Variants in ROBO2 observed in about 807,000 individuals in gnomAD.
ROBO2 encodes roundabout homolog 2.
ROBO2 carries 53 observed loss-of-function variants against 160.8 expected under a neutral mutation model. The ratio of observed to expected loss-of-function variants is 0.33; its 90% CI spans 0.26 to 0.41. The LOEUF (loss-of-function observed/expected upper bound fraction) is 0.41, where lower values mean the gene tolerates loss of function less well. ROBO2 is among the 10% of genes least tolerant of loss of function. ROBO2 has a pLI of 1.00. For missense variants in ROBO2, 1,577 were observed against 1,722.4 expected (o/e 0.92, Z 1.49); for synonymous variants, 664 against 611.7 (o/e 1.09, Z -1.26).
intron 2 of ROBO2, among the ~76,000 whole-genome samples, chr3:77,112,419 T>C (rs2073741515): frequency 6.6e-6 from 1 of 151,868 alleles, no homozygotes; most frequent in African/African-American, 2.4e-5. Context: ...AATTTTTGTA[T>C]TTTTAGTGGA....
intron 2 of ROBO2, among the ~76,000 whole-genome samples, chr3:77,160,351 A>G (rs1490610657): frequency 6.6e-6 from 1 of 152,120 alleles, no homozygotes; most frequent in Non-Finnish European, 1.5e-5. Context: ...TATTTTATAA[A>G]GTTTTTTTGG....
chr3:77,051,310 A>C (rs1193825770), intron 1 of ROBO2, among the ~76,000 whole-genome samples: 2 of 152,186 alleles, frequency 1.3e-5, no homozygotes, highest in African/African-American at 4.8e-5. Context: ...GATTTTGGGC[A>C]AATATAGCTC....
At chr3:76,217,842 T>G (rs1420203022) in intron 2 of ROBO2, among the ~76,000 whole-genome samples, 2 of 152,142 alleles carry the variant, frequency 1.3e-5, no homozygotes, top group Non-Finnish European at 2.9e-5. Flanking sequence ...TGCCAAAGCC[T>G]GACAGAGACA....
At chr3:76,681,663 C>T (rs544434993) in intron 2 of ROBO2, among the ~76,000 whole-genome samples, 2 of 152,052 alleles carry the variant, frequency 1.3e-5, no homozygotes, top group African/African-American at 4.8e-5. Context: ...TGTGCAAAGA[C>T]CCTGGAGCAG....
At chr3:76,559,226 T>C (rs554189719) in intron 2 of ROBO2, among the ~76,000 whole-genome samples, 68 of 152,258 alleles carry the variant, frequency 4.5e-4, no homozygotes, top group Admixed American at 1.2e-3. Flanking sequence ...ATGGTCACGT[T>C]GTGATAGGGA....
At chr3:76,872,112 C>A (rs954942770) in intron 2 of ROBO2, among the ~76,000 whole-genome samples, 1 of 151,914 alleles carries the variant, frequency 6.6e-6, no homozygotes, top group African/African-American at 2.4e-5. Context: ...CAAAGATGAT[C>A]TCTCTTAAAT....
chr3:77,159,609 A>C (rs1456786559), intron 2 of ROBO2, among the ~76,000 whole-genome samples: 2 of 152,142 alleles, frequency 1.3e-5, no homozygotes, highest in African/African-American at 4.8e-5. Context: ...ATAAAAATAA[A>C]ATATATCTCT....
At chr3:76,721,959 G>C (rs746147278) in intron 2 of ROBO2, among the ~76,000 whole-genome samples, 6 of 152,184 alleles carry the variant, frequency 3.9e-5, no homozygotes, top group African/African-American at 7.2e-5. Context: ...AAGTCATTCT[G>C]CTGTCTGCCA....
intron 2 of ROBO2, among the ~76,000 whole-genome samples, chr3:75,974,278 A>T (rs2065076365): frequency 6.6e-6 from 1 of 151,672 alleles, no homozygotes; most frequent in Admixed American, 6.6e-5. Context: ...TAGGCAAAAA[A>T]TGTATAGCAG....
At chr3:76,928,863 C>A (rs781584182) in intron 2 of ROBO2, among the ~76,000 whole-genome samples, 29 of 152,136 alleles carry the variant, frequency 1.9e-4, no homozygotes, top group South Asian at 2.1e-4. Context: ...TATTTTATAT[C>A]CTGATGAATC....
At chr3:77,300,876 A>C (rs1580865842) in intron 2 of ROBO2, among the ~76,000 whole-genome samples, 1 of 110,800 alleles carries the variant, frequency 9.0e-6, no homozygotes, top group Admixed American at 9.5e-5. Flanking sequence ...TTATTTATTT[A>C]TTTATTTATT....
chr3:76,221,236 G>A (rs1703944846), intron 2 of ROBO2, among the ~76,000 whole-genome samples: 1 of 152,210 alleles, frequency 6.6e-6, no homozygotes, highest in African/African-American at 2.4e-5. Context: ...AATTTTGCTA[G>A]TGGGTAACTC....
At chr3:77,194,984 T>C (rs926433753) in intron 2 of ROBO2, among the ~76,000 whole-genome samples, 5 of 152,088 alleles carry the variant, frequency 3.3e-5, no homozygotes, top group African/African-American at 4.8e-5. Flanking sequence ...ATAGGGGCAA[T>C]GTAATTAGGA....
intron 2 of ROBO2, among the ~76,000 whole-genome samples, chr3:77,444,611 A>G (rs1256241663): frequency 6.6e-6 from 1 of 152,188 alleles, no homozygotes; most frequent in Non-Finnish European, 1.5e-5. Context: ...TAAAATACAC[A>G]TTGGAATTAT....
chr3:75,923,214 T>C (rs1947143159), intron 1 of ROBO2, among the ~76,000 whole-genome samples: 1 of 152,198 alleles, frequency 6.6e-6, no homozygotes. Flanking sequence ...TTAAATGTTT[T>C]GTTGTTTAAG....
At chr3:76,456,963 A>G (rs972585531) in intron 2 of ROBO2, among the ~76,000 whole-genome samples, 11 of 152,156 alleles carry the variant, frequency 7.2e-5, no homozygotes, top group African/African-American at 1.4e-4. Context: ...CCATGATTCA[A>G]TTACCTCCTT....
At chr3:75,948,948 C>T (rs1948433362) in intron 2 of ROBO2, among the ~76,000 whole-genome samples, 1 of 151,970 alleles carries the variant, frequency 6.6e-6, no homozygotes, top group South Asian at 2.1e-4. Flanking sequence ...ATTTATAGTG[C>T]ATTTTTGTTA....
intron 2 of ROBO2, among the ~76,000 whole-genome samples, chr3:76,759,091 A>G (rs905543708): frequency 2.6e-5 from 4 of 151,820 alleles, no homozygotes; most frequent in African/African-American, 4.8e-5. Context: ...ACTTTTTCCA[A>G]TCTCCACTGT....
At chr3:75,920,439 T>A (rs2106823036) in intron 1 of ROBO2, among the ~76,000 whole-genome samples, 1 of 152,292 alleles carries the variant, frequency 6.6e-6, no homozygotes, top group Non-Finnish European at 1.5e-5. Flanking sequence ...GAGGAGTGTT[T>A]TACTTCCAAT....
Sources: allele counts gnomAD v4.1 joint callset (sites outside exome capture counted in the v4.1 genomes callset), GRCh38; gene constraint gnomAD v4.1.1; transcripts MANE v1.5; gene names NCBI Gene and HGNC (gene_info 2026-07-23, HGNC 2026-07-21).